The following CPT1A variants were observed in gnomAD, a reference collection of about 807,000 sequenced individuals.
The protein encoded by CPT1A is carnitine palmitoyltransferase 1A, also known as carnitine O-palmitoyltransferase 1, liver isoform.
Under a neutral mutation model 100.8 loss-of-function variants are expected in CPT1A, and 64 were observed. That is an observed-to-expected ratio of 0.63 (90% CI 0.52 to 0.78). CPT1A has a LOEUF of 0.78. Ranked by LOEUF, CPT1A falls within the 30% of genes least tolerant of loss-of-function variation. CPT1A has a pLI of 0.00. For synonymous variants in CPT1A, 363 were observed against 396.0 expected (o/e 0.92, Z 0.99); for missense variants, 802 against 1,034.1 (o/e 0.78, Z 3.08).
chr11:68,795,942 A>G (rs1330059351), intron 7 of CPT1A, among the ~76,000 whole-genome samples: 3 of 152,046 alleles, frequency 2.0e-5, no homozygotes, highest in African/African-American at 7.2e-5. Context: ...TAAATGATTA[A>G]AAAATAAACG....
intron 5 of CPT1A, 88 bp downstream of exon 5, chr11:68,803,912 T>C: frequency 9.6e-7 from 1 of 1,043,498 alleles, no homozygotes; most frequent in Non-Finnish European, 1.5e-6. Flanking sequence ...TTGAGCCAAA[T>C]GGCGGTGACC....
In CPT1A at chr11:68,815,339, A is replaced by G. The variant is rs769222168; in HGVS notation, c.136T>C (p.Phe46Leu). 2 of 1,614,072 alleles carry G rather than the reference A, an allele frequency of 1.2e-6. No homozygotes were observed. Among genetic ancestry groups the G allele is most frequent in the Non-Finnish European group, 1.7e-6 (2 of 1,180,008 alleles). The change falls in exon 2 of 19, where the codon TTC becomes CTC. Residue 46 changes from phenylalanine (F) to leucine (L), a missense_variant. This residue lies in a region of CPT1A where 161 missense variants were observed against 183.7 expected (regional missense o/e 0.88). Transcript: ENST00000265641. ...TTCAACAAATCTCAGAAAACCTTGA[A>G]TCTGATGAACTTCTTTTTCCAGGAA... ...LHSWKKKFIR[F>L]KNGIITGVYP...
At chr11:68,805,344 T>A (rs904113146) in intron 4 of CPT1A, among the ~76,000 whole-genome samples, 1 of 151,368 alleles carries the variant, frequency 6.6e-6, no homozygotes, top group Admixed American at 6.6e-5. Context: ...CCAGCTACTG[T>A]GGAGGCTGAG....
At position 68,793,390 on chromosome 11, in the gene CPT1A, C is replaced by T. The variant is rs374202366; in HGVS notation, c.892G>A (p.Gly298Arg). The change falls in exon 9 of 19, where the codon GGA becomes AGA. Residue 298 changes from glycine to arginine, a missense_variant. Gly to Arg is a moderately radical substitution (Grantham distance 125, BLOSUM62 -2). Transcript: ENST00000265641. Reference protein sequence around the residue: ...REEIKPIRLLGSTIPLCSAQW... With the variant: ...REEIKPIRLLRSTIPLCSAQW... ...GCGGAGCAGAGTGGAATCGTGGATCCCAAAAGACGAATCTGTAACAAAAAT... is the reference window on the plus strand; with the variant it reads ...GCGGAGCAGAGTGGAATCGTGGATCTCAAAAGACGAATCTGTAACAAAAAT... 14 of 1,610,350 alleles carry T rather than the reference C, an allele frequency of 8.7e-6. No homozygotes were observed. The African/African-American group carries it at 1.9e-4, about 21-fold the overall frequency.
intron 14 of CPT1A, among the ~76,000 whole-genome samples, chr11:68,769,649 A>T (rs1054749391): frequency 2.0e-5 from 3 of 152,012 alleles, no homozygotes; most frequent in African/African-American, 7.3e-5. Flanking sequence ...TCTTTTCAAA[A>T]ATGTTACAGG....
intron 1 of CPT1A, among the ~76,000 whole-genome samples, chr11:68,826,500 C>T (rs547499283): frequency 3.3e-5 from 5 of 150,524 alleles, no homozygotes; most frequent in East Asian, 2.0e-4. Flanking sequence ...TTTGGGAGGC[C>T]GAGGGGGGCA....
intron 14 of CPT1A, among the ~76,000 whole-genome samples, chr11:68,772,958 G>A (rs1164960193): frequency 6.6e-6 from 1 of 152,154 alleles, no homozygotes; most frequent in East Asian, 1.9e-4. Flanking sequence ...CTAGGATTCG[G>A]GGCTTATTAT....
chr11:68,829,378 G>A (rs1239650305), intron 1 of CPT1A, among the ~76,000 whole-genome samples: 1 of 152,120 alleles, frequency 6.6e-6, no homozygotes, highest in East Asian at 1.9e-4. Context: ...CCCAGGTATC[G>A]GAGACATATC....
rs1300574070 is a variant in CPT1A at position 68,755,897 on chromosome 11, TGAG to T, written c.*1744_*1746del. 1 of 150,762 alleles carries T rather than the reference TGAG, an allele frequency of 6.6e-6. No homozygotes were observed. Among genetic ancestry groups the T allele is most frequent in the East Asian group, 2.0e-4 (1 of 5,016 alleles). The allele number at this position is 150,762 out of a possible 1,614,324, so 9.3% of individuals were successfully genotyped here. ...GGGAGGCTGAGGCAGGTGGATCACCTGAGGTCAGGAGTTCGAGACCAGCCTGAC... is the reference window on the plus strand; with the variant it reads ...GGGAGGCTGAGGCAGGTGGATCACCTGTCAGGAGTTCGAGACCAGCCTGAC... On this transcript the variant is annotated 3_prime_UTR_variant, in exon 19 of 19. Transcript: ENST00000265641.
intron 14 of CPT1A, among the ~76,000 whole-genome samples, chr11:68,763,401 C>T (rs1854687584): frequency 6.6e-6 from 1 of 152,138 alleles, no homozygotes; most frequent in Admixed American, 6.5e-5. Context: ...CCGTGCACAG[C>T]AGGGGATCTG....
chr11:68,799,265 T>G lies in CPT1A; in HGVS notation c.646A>C (p.Arg216=), dbSNP rs1265232140. Residue 216 remains arginine (R), a synonymous_variant, in exon 6 of 19, where the codon AGA becomes CGA. Coordinates refer to ENST00000265641, the MANE Select transcript of CPT1A (RefSeq NM_001876.4). ...TTTAACTTCAAATACCACTGTAATC[T>G]TGGTCCAAGACCGACAGCAAAATCT... ...AQDFAVGLGP[R]LQWYLKLKSW... is the part of the protein sequence containing the mutation. 1 of 1,613,986 alleles carries G rather than the reference T, an allele frequency of 6.2e-7. No individual in the cohort carries two copies. Among genetic ancestry groups the G allele is most frequent in the African/African-American group, 1.3e-5 (1 of 74,920 alleles).
At chr11:68,814,211 AC>A (rs1395074017) in intron 2 of CPT1A, among the ~76,000 whole-genome samples, 2,582 of 123,426 alleles carry the variant, frequency 0.021, 75 homozygotes, top group African/African-American at 0.11. Context: ...AAAACAAGAC[AC>A]TTACTTAAAA....
intron 14 of CPT1A, among the ~76,000 whole-genome samples, chr11:68,763,938 T>C (rs1268213818): frequency 6.6e-6 from 1 of 151,718 alleles, no homozygotes; most frequent in Non-Finnish European, 1.5e-5. Context: ...AGGTAAGGGA[T>C]GATCCCAAAG....
intron 1 of CPT1A, among the ~76,000 whole-genome samples, chr11:68,822,828 T>C (rs1297494825): frequency 6.6e-6 from 1 of 152,108 alleles, no homozygotes; most frequent in Admixed American, 6.6e-5. Flanking sequence ...AAAGAAGCCA[T>C]ACAGAAGGTC....
At chr11:68,812,710 G>A (rs1856253599) in intron 2 of CPT1A, 134 bp from the exon 3 acceptor site, 4 of 969,920 alleles carry the variant, frequency 4.1e-6, no homozygotes, top group Admixed American at 2.0e-5. Flanking sequence ...TGCGTGCACT[G>A]AGAAACCACA....
intron 9 of CPT1A, among the ~76,000 whole-genome samples, chr11:68,790,564 G>A (rs934410198): frequency 1.3e-5 from 2 of 152,176 alleles, no homozygotes; most frequent in Admixed American, 1.3e-4. Flanking sequence ...CCCCCCAGAA[G>A]CTGGAAGAGG....
In CPT1A at chr11:68,804,025, G is replaced by A. The variant is rs1855977777; in HGVS notation, c.530C>T (p.Pro177Leu). ...CCTGTTCACAGTGTCTTTGACAGCC[G>A]GGACCGGCAGGCGAGGCAGCGATGT... ...FQTSLPRLPV[P>L]AVKDTVNRYL... Residue 177 changes from proline (P) to leucine (L), a missense_variant, in exon 5 of 19, where the codon CCG (proline) becomes CTG (leucine). Around this residue, in one of 4 missense-constraint regions of CPT1A, gnomAD observed 627 missense variants for 799.3 expected, o/e 0.78. Coordinates refer to ENST00000265641, the MANE Select transcript of CPT1A (RefSeq NM_001876.4). 1.9e-6 allele frequency: 3 copies of A among 1,613,996 alleles called. No homozygotes were observed. Among genetic ancestry groups the A allele is most frequent in the Non-Finnish European group, 2.5e-6 (3 of 1,179,892 alleles).
intron 1 of CPT1A, among the ~76,000 whole-genome samples, chr11:68,828,407 C>CCT (rs1182545996): frequency 1.3e-5 from 2 of 151,904 alleles, no homozygotes; most frequent in South Asian, 2.1e-4. Flanking sequence ...GTCAGGGCCC[C>CCT]CCACCTCCCA....
At chr11:68,759,518 TA>T (rs1946760325) in intron 18 of CPT1A, 50 bp downstream of exon 18, 1 of 1,192,606 alleles carries the variant, frequency 8.4e-7, no homozygotes, top group Non-Finnish European at 1.3e-6. Context: ...TTAAAAAGAA[TA>T]AAGCAAAAAT....
Sources: gnomAD v4.1 joint callset for allele counts (sites outside exome capture counted in the v4.1 genomes callset) on GRCh38, gnomAD v4.1.1 for gene constraint, gnomAD v4.1.1 regional missense constraint, MANE v1.5 for transcripts, NCBI Gene and HGNC (gene_info 2026-07-23, HGNC 2026-07-21) for gene names.